ANTXR2: variants seen among roughly 807,000 people sequenced by gnomAD.
ANTXR2 encodes ANTXR cell adhesion molecule 2.
A neutral mutation model predicts 73.7 loss-of-function variants in ANTXR2; 44 were observed. The observed-to-expected ratio is 0.60, with a 90% CI of 0.47 to 0.77. The LOEUF is 0.77. ANTXR2 is among the 30% of genes least tolerant of loss of function. ANTXR2 has a pLI of 0.00. For missense variants in ANTXR2, 604 were observed against 592.5 expected (o/e 1.02, Z -0.20); for synonymous variants, 217 against 205.9 (o/e 1.05, Z -0.46).
intron 12 of ANTXR2, among the ~76,000 whole-genome samples, chr4:79,994,350 A>G (rs1730625010): frequency 6.6e-6 from 1 of 152,006 alleles, no homozygotes; most frequent in Non-Finnish European, 1.5e-5. Flanking sequence ...TATTGGAAAG[A>G]CCTTACGAAT....
chr4:80,043,462 G>A (rs1733372306), intron 7 of ANTXR2, among the ~76,000 whole-genome samples: 1 of 152,042 alleles, frequency 6.6e-6, no homozygotes, highest in African/African-American at 2.4e-5. Context: ...CCTTTGCTAA[G>A]TTTTTGGGAT....
chr4:80,036,926 A>G (rs1055876100), intron 7 of ANTXR2, among the ~76,000 whole-genome samples: 10 of 152,184 alleles, frequency 6.6e-5, no homozygotes, highest in South Asian at 2.1e-4. Context: ...ATTGCAGAAC[A>G]TAGACTCCTT....
At position 79,978,050 on chromosome 4, in the gene ANTXR2, G is replaced by A. The variant is rs751742912; in HGVS notation, c.1304C>T (p.Pro435Leu). The A allele has an allele frequency of 1.2e-6, 2 of 1,611,370 alleles. No homozygotes were observed. The highest frequency in any genetic ancestry group is 4.5e-5 in the East Asian group (2 of 44,802). The change falls in exon 15 of 17, where the codon CCC becomes CTC. Residue 435 changes from proline (P) to leucine (L), a missense_variant. Coordinates refer to ENST00000403729, the MANE Select transcript of ANTXR2 (RefSeq NM_058172.6). ...TTTTGTCTGAGGAGGCTGGTGTGTG[G>A]GTTTGGGTCGAGGTGGTCTAGGCCT... ...PIRPRPPRPK[P>L]THQPPQTKWY...
intron 16 of ANTXR2, among the ~76,000 whole-genome samples, chr4:79,958,657 T>C (rs1252446455): frequency 1.3e-5 from 2 of 152,122 alleles, no homozygotes; most frequent in Non-Finnish European, 2.9e-5. Context: ...CACTGGCAAA[T>C]TTACAACCAA....
chr4:79,910,902 T>G (rs1727107322), intron 16 of ANTXR2, among the ~76,000 whole-genome samples: 1 of 152,176 alleles, frequency 6.6e-6, no homozygotes, highest in Admixed American at 6.5e-5. Context: ...GGGAAATATT[T>G]TATTCAGTAT....
At chr4:79,945,411 T>C (rs1728479142) in intron 16 of ANTXR2, among the ~76,000 whole-genome samples, 1 of 152,110 alleles carries the variant, frequency 6.6e-6, no homozygotes, top group Non-Finnish European at 1.5e-5. Context: ...ACTGATTGTT[T>C]ATGTATTGTT....
chr4:79,973,083 AAAG>A (rs1560921127), intron 16 of ANTXR2, among the ~76,000 whole-genome samples: 2 of 152,266 alleles, frequency 1.3e-5, no homozygotes, highest in East Asian at 3.9e-4. Context: ...AACAAAGATA[AAAG>A]AAGAAGGAAG....
At chr4:80,073,449 T>A (rs1177350192), upstream of ANTXR2, 1 of 152,140 alleles carries the variant, frequency 6.6e-6, no homozygotes, top group Non-Finnish European at 1.5e-5. Flanking sequence ...ACAGCCCCCA[T>A]GCGTGGTTCA....
At chr4:79,920,601 G>T (rs1727556630) in intron 16 of ANTXR2, among the ~76,000 whole-genome samples, 1 of 152,198 alleles carries the variant, frequency 6.6e-6, no homozygotes, top group East Asian at 1.9e-4. Flanking sequence ...CAAAGGCTGT[G>T]GGGAAAACAT....
chr4:79,988,309 T>G (rs1429423658), intron 12 of ANTXR2, among the ~76,000 whole-genome samples: 1 of 131,848 alleles, frequency 7.6e-6, no homozygotes, highest in South Asian at 2.3e-4. Flanking sequence ...TAGAGAACGA[T>G]CACTCAAGCA....
chr4:79,924,116 G>T (rs544769888), intron 16 of ANTXR2, among the ~76,000 whole-genome samples: 1 of 152,020 alleles, frequency 6.6e-6, no homozygotes, highest in African/African-American at 2.4e-5. Flanking sequence ...TAGCCAACAG[G>T]TAGTTTTTCC....
intron 7 of ANTXR2, among the ~76,000 whole-genome samples, chr4:80,047,496 A>G (rs1578183584): frequency 6.6e-6 from 1 of 151,574 alleles, no homozygotes; most frequent in Middle Eastern, 3.4e-3. Flanking sequence ...GCTCCTTTCT[A>G]TTTGGGAAAC....
chr4:80,053,521 A>G (rs746490339), intron 7 of ANTXR2, among the ~76,000 whole-genome samples: 3 of 151,736 alleles, frequency 2.0e-5, no homozygotes, highest in Non-Finnish European at 4.4e-5. Flanking sequence ...TTTCCCCTGA[A>G]GATTTTTTTT....
At chr4:79,926,984 C>T (rs1474243836) in intron 16 of ANTXR2, among the ~76,000 whole-genome samples, 1 of 93,108 alleles carries the variant, frequency 1.1e-5, no homozygotes, top group African/African-American at 5.8e-5. Flanking sequence ...TATACGTGTG[C>T]ATATATGTGT....
intron 16 of ANTXR2, among the ~76,000 whole-genome samples, chr4:79,953,175 A>C (rs1728769306): frequency 6.6e-6 from 1 of 152,168 alleles, no homozygotes; most frequent in Non-Finnish European, 1.5e-5. Flanking sequence ...TTTCTCATCA[A>C]AAAAATAGCT....
intron 16 of ANTXR2, among the ~76,000 whole-genome samples, chr4:79,947,487 G>C (rs945484697): frequency 6.6e-6 from 1 of 152,124 alleles, no homozygotes; most frequent in Non-Finnish European, 1.5e-5. Context: ...TGCCCCAGCA[G>C]AACATTTTCT....
chr4:79,991,462 A>T (rs904642553), intron 12 of ANTXR2, among the ~76,000 whole-genome samples: 2 of 152,106 alleles, frequency 1.3e-5, no homozygotes, highest in Admixed American at 1.3e-4. Context: ...AACAGGAGTT[A>T]GCAAGGCTGT....
intron 13 of ANTXR2, 139 bp from the exon 14 acceptor site, chr4:79,984,109 T>C: frequency 1.6e-6 from 1 of 616,760 alleles, no homozygotes. Flanking sequence ...GTGGATATAT[T>C]TACACTTACA....
intron 10 of ANTXR2, among the ~76,000 whole-genome samples, chr4:80,028,471 C>T (rs904616364): frequency 2.0e-5 from 3 of 152,178 alleles, no homozygotes; most frequent in Non-Finnish European, 4.4e-5. Context: ...AAGAAAAGAA[C>T]GGATAGAGCA....
Sources: allele counts gnomAD v4.1 joint callset (sites outside exome capture counted in the v4.1 genomes callset), GRCh38; gene constraint gnomAD v4.1.1; transcripts MANE v1.5; gene names NCBI Gene and HGNC (gene_info 2026-07-23, HGNC 2026-07-21).